The following VPS13A variants were observed in gnomAD, a reference collection of about 807,000 sequenced individuals.
VPS13A encodes intermembrane lipid transfer protein VPS13A.
In VPS13A, 264 loss-of-function variants were observed where a neutral mutation model predicts 390.9. The observed-to-expected ratio is 0.68, with a 90% CI of 0.61 to 0.75. The LOEUF is 0.75. VPS13A is among the 30% of genes least tolerant of loss of function. VPS13A has a pLI of 0.00. For missense variants in VPS13A, 3,409 were observed against 3,733.9 expected, an observed-to-expected ratio of 0.91 and a Z score of 2.27; for synonymous variants, 1,231 against 1,227.1, an observed-to-expected ratio of 1.00 and a Z score of -0.07.
At chr9:77,373,173 G>C (rs1290898681) in intron 67 of VPS13A, among the ~76,000 whole-genome samples, 1 of 151,036 alleles carries the variant, frequency 6.6e-6, no homozygotes, top group African/African-American at 2.4e-5. Flanking sequence ...AGCCCGCATC[G>C]CCAAGGCAAT....
At chr9:77,383,248 A>G (rs1028701984) in intron 68 of VPS13A, among the ~76,000 whole-genome samples, 1 of 151,994 alleles carries the variant, frequency 6.6e-6, no homozygotes. Flanking sequence ...TTAATATGCA[A>G]TATTTAGTTA....
rs57841628 is a variant in VPS13A at position 77,341,691 on chromosome 9, C to CTTTTTTTTTTTTTTTTTTTTTTTTT, written c.7026+1146_7026+1170dup. 1.1e-3 allele frequency among the ~76,000 whole-genome samples: 43 copies of CTTTTTTTTTTTTTTTTTTTTTTTTT among 37,842 alleles called. 8 individuals are homozygous for CTTTTTTTTTTTTTTTTTTTTTTTTT. The highest frequency in any genetic ancestry group is 1.9e-3 in the African/African-American group (18 of 9,308). The allele number at this position is 37,842 out of a possible 152,430, so 24.8% of individuals were successfully genotyped here. A position where few individuals can be genotyped will look rare whatever the true frequency, so the allele number is the denominator to read the frequency against. Reference sequence around the variant, plus strand: ...AGTAAGTTCTACATGGACATCTTTCCTTTTTTTTTTTTTTTTTTTTTTTTT... The same window carrying CTTTTTTTTTTTTTTTTTTTTTTTTT: ...AGTAAGTTCTACATGGACATCTTTCCTTTTTTTTTTTTTTTTTTTTTTTTTTTTTTTTTTTTTTTTTTTTTTTTTT... On this transcript the variant is annotated intron_variant, in intron 50 of 71. Transcript: ENST00000360280.
chr9:77,314,536 T>C lies in VPS13A; in HGVS notation c.4284T>C (p.Ala1428=), dbSNP rs1212068086. 1 of 1,612,528 alleles carries C rather than the reference T, an allele frequency of 6.2e-7. No individual in the cohort carries two copies. The highest frequency in any genetic ancestry group is 1.7e-5 in the Admixed American group (1 of 60,000). The stretch of plus-strand genomic sequence containing the variant: ...TTCGTGATCCTTCTCTGAAACTTGC[T>C]GAATTTAAATTGGAGAATATTATAA... ...TDVRDPSLKL[A]EFKLENIIST... Residue 1428 remains alanine, a synonymous_variant, in exon 37 of 72, where the codon GCT becomes GCC. Transcript: ENST00000360280.
At position 77,337,373 on chromosome 9, in the gene VPS13A, C is replaced by A; in HGVS notation, c.6214C>A (p.Pro2072Thr). The A allele has an allele frequency of 6.2e-7, 1 of 1,612,272 alleles. No individual in the cohort carries two copies. The highest frequency in any genetic ancestry group is 8.5e-7 in the Non-Finnish European group (1 of 1,178,892). Residue 2072 changes from proline (P) to threonine (T), a missense_variant, in exon 47 of 72, where the codon CCT (proline) becomes ACT (threonine). Transcript: ENST00000360280. ...LLKKKCRSKNPSKESFLINIV... is the reference protein window; with the variant it reads ...LLKKKCRSKNTSKESFLINIV... Reference sequence around the variant, plus strand: ...AAAGAAGAAATGTAGATCTAAAAACCCTTCTAAGGAATCATTTCTCATTAA... The same window carrying A: ...AAAGAAGAAATGTAGATCTAAAAACACTTCTAAGGAATCATTTCTCATTAA...
chr9:77,329,398 C>G (rs1830171019), intron 45 of VPS13A, among the ~76,000 whole-genome samples: 3 of 152,144 alleles, frequency 2.0e-5, no homozygotes, highest in Admixed American at 2.0e-4. Context: ...CTAGCTTTTG[C>G]TTTTGATTTA....
intron 6 of VPS13A, among the ~76,000 whole-genome samples, chr9:77,209,799 T>C (rs937620435): frequency 5.3e-5 from 8 of 152,208 alleles, no homozygotes; most frequent in African/African-American, 1.9e-4. Flanking sequence ...TATGTATTTT[T>C]AAAATACTTT....
rs1249069464 is a variant in VPS13A, at chr9:77,344,247, A to T, written c.7121A>T (p.Gln2374Leu). 1.2e-6 allele frequency: 2 copies of T among 1,613,428 alleles called. No homozygotes were observed. Among genetic ancestry groups the T allele is most frequent in the Non-Finnish European group, 1.7e-6 (2 of 1,179,714 alleles). The change falls in exon 51 of 72, where the codon CAG (glutamine) becomes CTG (leucine). Residue 2374 changes from glutamine (Q) to leucine (L), a missense_variant. Transcript: ENST00000360280. Reference protein sequence around the residue: ...DPPKRIYFNKQENCILLRLDN... With the variant: ...DPPKRIYFNKLENCILLRLDN... Reference sequence around the variant, plus strand: ...CCCAAAAGGATATATTTTAACAAGCAGGAAAATTGTATTCTATTGCGTCTA... The same window carrying T: ...CCCAAAAGGATATATTTTAACAAGCTGGAAAATTGTATTCTATTGCGTCTA...
chr9:77,177,912 T>G, intron 1 of VPS13A, 108 bp downstream of exon 1: 1 of 946,758 alleles, frequency 1.1e-6, no homozygotes, highest in Non-Finnish European at 1.6e-6. Flanking sequence ...GCTCGCCGGG[T>G]GCAGCCACCT....
rs778887831 is a variant in VPS13A at position 77,238,055 on chromosome 9, A to G, written c.1649A>G (p.Glu550Gly). 3.7e-6 allele frequency: 6 copies of G among 1,613,602 alleles called. No individual in the cohort carries two copies. The East Asian group carries it at 1.3e-4, about 36-fold the overall frequency. The change falls in exon 18 of 72, where the codon GAA becomes GGA. Residue 550 changes from glutamate to glycine, a missense_variant. Glu to Gly is a moderately conservative substitution (Grantham distance 98). Transcript: ENST00000360280. The stretch of plus-strand genomic sequence containing the variant: ...ATTACTGGCTTACCAGATAATTCAG[A>G]AAAACCCCGCCTCCTGTCTTCATTG... ...FHITGLPDNS[E>G]KPRLLSSLDD... is the part of the protein sequence containing the mutation.
intron 68 of VPS13A, among the ~76,000 whole-genome samples, chr9:77,387,247 G>T (rs546421634): frequency 1.3e-5 from 2 of 152,178 alleles, no homozygotes; most frequent in South Asian, 2.1e-4. Context: ...TATAGAAAAT[G>T]AATTTATATT....
chr9:77,420,751 T>C lies in VPS13A; in HGVS notation c.*4745T>C, dbSNP rs1445438319. 1 of 152,172 alleles carries C rather than the reference T, an allele frequency of 6.6e-6. No individual in the cohort carries two copies. The highest frequency in any genetic ancestry group is 1.5e-5 in the Non-Finnish European group (1 of 68,020). The allele number at this position is 152,172 out of a possible 1,614,324, so 9.4% of individuals were successfully genotyped here. A position where few individuals can be genotyped will look rare whatever the true frequency, so the allele number is the denominator to read the frequency against. The stretch of plus-strand genomic sequence containing the variant: ...CCTTGTAACAAGAAACCCTGTGAGA[T>C]TGGTATAATGAGATATCAAATAATC... On this transcript the variant is annotated 3_prime_UTR_variant, in exon 72 of 72. Transcript: ENST00000360280.
At chr9:77,368,808 A>G (rs1411944865) in intron 62 of VPS13A, among the ~76,000 whole-genome samples, 6 of 152,226 alleles carry the variant, frequency 3.9e-5, no homozygotes, top group African/African-American at 9.6e-5. Context: ...TTTTAATACT[A>G]TAATACCAAA....
At chr9:77,281,817 A>G in intron 27 of VPS13A, 50 bp from the exon 28 acceptor site, 2 of 1,177,278 alleles carry the variant, frequency 1.7e-6, no homozygotes, top group South Asian at 1.2e-5. Context: ...GTGATTGTAT[A>G]TGTATGTCTT....
At chr9:77,374,952 G>T (rs921482131) in intron 67 of VPS13A, among the ~76,000 whole-genome samples, 1 of 152,036 alleles carries the variant, frequency 6.6e-6, no homozygotes, top group African/African-American at 2.4e-5. Flanking sequence ...TCTTAAGCCA[G>T]TATTTCATAC....
rs1193244878 is a variant in VPS13A, at chr9:77,359,360, T to C, written c.8063T>C (p.Ile2688Thr). Residue 2688 changes from isoleucine (I) to threonine (T), a missense_variant, in exon 58 of 72, where the codon ATT becomes ACT. Around this residue, in one of 5 missense-constraint regions of VPS13A, gnomAD observed 221 missense variants for 300.7 expected, o/e 0.73. Transcript: ENST00000360280. Reference sequence around the variant, plus strand: ...CCAAAGCCCTTTACAGATGTCAGTATTGTCATGAGATCTGCAGGACATTCC... The same window carrying C: ...CCAAAGCCCTTTACAGATGTCAGTACTGTCATGAGATCTGCAGGACATTCC... The part of the protein sequence containing the change: ...SAPKPFTDVS[I>T]VMRSAGHSQI... The C allele has an allele frequency of 6.2e-7, 1 of 1,613,514 alleles. No homozygotes were observed. Among genetic ancestry groups the C allele is most frequent in the Non-Finnish European group, 8.5e-7 (1 of 1,179,728 alleles).
At chr9:77,201,595 T>C (rs945435537) in intron 3 of VPS13A, among the ~76,000 whole-genome samples, 188 bp downstream of exon 3, 1 of 152,198 alleles carries the variant, frequency 6.6e-6, no homozygotes, top group African/African-American at 2.4e-5. Context: ...ATCCCTTGCC[T>C]AGTATTTGAT....
chr9:77,323,107 A>G lies in VPS13A; in HGVS notation c.5871A>G (p.Thr1957=), dbSNP rs1829834827. The part of the protein sequence containing the change: ...NHSTADKIPL[T]KVGRRLYTVR... ...CTACTGCTGATAAGATTCCTTTAACAAAAGTGGGACGACGTCTGTACACTG... is the reference window on the plus strand; with the variant it reads ...CTACTGCTGATAAGATTCCTTTAACGAAAGTGGGACGACGTCTGTACACTG... The change falls in exon 45 of 72, where the codon ACA becomes ACG. Residue 1957 remains threonine, a synonymous_variant. Transcript: ENST00000360280. 1 of 1,613,118 alleles carries G rather than the reference A, an allele frequency of 6.2e-7. No homozygotes were observed. The highest frequency in any genetic ancestry group is 1.1e-5 in the South Asian group (1 of 91,040).
At chr9:77,220,442 T>A (rs1477123370) in intron 12 of VPS13A, 59 bp downstream of exon 12, 1 of 1,167,292 alleles carries the variant, frequency 8.6e-7, no homozygotes, top group Non-Finnish European at 1.2e-6. Flanking sequence ...AAAAATAAAT[T>A]TCTCGACTTC....
intron 31 of VPS13A, among the ~76,000 whole-genome samples, chr9:77,291,970 C>G (rs1021034172): frequency 6.6e-6 from 1 of 152,122 alleles, no homozygotes; most frequent in East Asian, 1.9e-4. Context: ...TGTTCTTCCC[C>G]TAGAGTTTTA....
Sources: gnomAD v4.1 joint callset for allele counts (sites outside exome capture counted in the v4.1 genomes callset) on GRCh38, gnomAD v4.1.1 for gene constraint, gnomAD v4.1.1 regional missense constraint, MANE v1.5 for transcripts, NCBI Gene and HGNC (gene_info 2026-07-23, HGNC 2026-07-21) for gene names.